Variants in CHRNG observed in about 807,000 individuals in gnomAD.
The protein encoded by CHRNG is acetylcholine receptor subunit gamma.
A neutral mutation model predicts 65.2 loss-of-function variants in CHRNG; 72 were observed. That is an observed-to-expected ratio of 1.10 (90% CI 0.91 to 1.34). CHRNG has a LOEUF of 1.34. Ranked by LOEUF, CHRNG falls within the 40% of genes most tolerant of loss-of-function variation. The pLI is 0.00. For missense variants in CHRNG, 637 were observed against 680.1 expected (o/e 0.94, Z 0.70); for synonymous variants, 284 against 290.2 (o/e 0.98, Z 0.22).
chr2:232,543,069 C>T lies in CHRNG; in HGVS notation c.792C>T (p.Phe264=), dbSNP rs1692050942. 1.2e-6 allele frequency: 2 copies of T among 1,614,060 alleles called. No individual in the cohort carries two copies. Among genetic ancestry groups the T allele is most frequent in the Non-Finnish European group, 1.7e-6 (2 of 1,180,006 alleles). ...LISSVAILIH[F]LPAKAGGQKC... ...CCTCTGTCGCCATCCTCATCCACTT[C>T]CTTCCTGCCAAGGGTACCTGGAGCC... Residue 264 remains phenylalanine, a synonymous_variant, in exon 7 of 12, where the codon TTC becomes TTT. Transcript: ENST00000651502.
rs375422793 is a variant in CHRNG, at chr2:232,544,922, G to A, written c.1380+20G>A. Reference sequence around the variant, plus strand: ...GACAATGTAAGCTGAGTCAGGGTGGGGTGGAGGTGGAGTGAGTACCTGGGC... The same window carrying A: ...GACAATGTAAGCTGAGTCAGGGTGGAGTGGAGGTGGAGTGAGTACCTGGGC... On this transcript the variant is annotated intron_variant, in intron 11 of 11. Transcript: ENST00000651502. The A allele has an allele frequency of 2.7e-5, 44 of 1,613,722 alleles. No homozygotes were observed. The highest frequency in any genetic ancestry group is 3.5e-5 in the Non-Finnish European group (41 of 1,179,914).
Position 232,544,960 on chromosome 2 carries a change from TAG to T in CHRNG, c.1380+62_1380+63del, listed in dbSNP as rs1025248196. On this transcript the variant is annotated intron_variant, in intron 11 of 11. Transcript: ENST00000651502. ...TGAGTACCTGGGCTTGGAACCGTGA[TAG>T]AGACAGGATGAGTGGGGTTGCCAAG... 9.9e-6 allele frequency: 16 copies of T among 1,608,948 alleles called. No homozygotes were observed. The African/African-American group carries it at 1.1e-4, about 11-fold the overall frequency.
At position 232,547,724 on chromosome 2, in the gene CHRNG, CG is replaced by C. The variant is rs1692157278; in HGVS notation, c.*2010del. ...AATCTGATGACAGTGGGGCCATTTC[CG>C]GTTCCCACCAGCCCCTTACTAGTTG... On this transcript the variant is annotated 3_prime_UTR_variant, in exon 12 of 12. Transcript: ENST00000651502. Among the ~76,000 whole-genome samples, 1 of 152,168 alleles carries C rather than the reference CG, an allele frequency of 6.6e-6. No individual in the cohort carries two copies. The highest frequency in any genetic ancestry group is 2.1e-4 in the South Asian group (1 of 4,828).
Position 232,543,293 on chromosome 2 carries a change from C to T in CHRNG, c.824C>T (p.Thr275Ile), listed in dbSNP as rs1052726707. The stretch of plus-strand genomic sequence containing the variant: ...TGGATAGCTGGGGGCCAGAAGTGTA[C>T]CGTCGCCATCAACGTGCTCCTGGCC... ...LPAKAGGQKCTVAINVLLAQT... is the reference protein window; with the variant it reads ...LPAKAGGQKCIVAINVLLAQT... The change falls in exon 8 of 12, where the codon ACC (threonine) becomes ATC (isoleucine). Residue 275 changes from threonine (T) to isoleucine (I), a missense_variant. Coordinates refer to ENST00000651502, the MANE Select transcript of CHRNG (RefSeq NM_005199.5). 1.9e-6 allele frequency: 3 copies of T among 1,613,964 alleles called. No homozygotes were observed. The highest frequency in any genetic ancestry group is 2.5e-6 in the Non-Finnish European group (3 of 1,179,888).
Position 232,541,666 on chromosome 2 carries a change from C to T in CHRNG, c.506+137C>T. On this transcript the variant is annotated intron_variant, in intron 5 of 11. Coordinates refer to ENST00000651502, the MANE Select transcript of CHRNG (RefSeq NM_005199.5). The surrounding 1 kb of genome is among the most constrained non-coding windows in gnomAD (Gnocchi z 4.0). ...GCCTGGCTCCATCTCCCCTGGGCCT[C>T]TGTGCCCATCTCAGGCTAAGACACC... 1 of 1,068,144 alleles carries T rather than the reference C, an allele frequency of 9.4e-7. No individual in the cohort carries two copies. The highest frequency in any genetic ancestry group is 1.4e-6 in the Non-Finnish European group (1 of 706,506). 66.2% of individuals were successfully genotyped at this position (1,068,144 alleles called of 1,614,324 possible).
chr2:232,542,263 T>C (rs1692031753), intron 5 of CHRNG, among the ~76,000 whole-genome samples, 160 bp from the exon 6 acceptor site: 1 of 152,110 alleles, frequency 6.6e-6, no homozygotes, highest in African/African-American at 2.4e-5. Context: ...GTCCTCCTGC[T>C]CTCCATATCT....
At position 232,540,270 on chromosome 2, in the gene CHRNG, G is replaced by T. The variant is rs767614087; in HGVS notation, c.196-111G>T. ...GGGTCTGGAAAACCCCCATGGTTGT[G>T]GGGGGAGTACTATCAAGAGGCTGGG... On this transcript the variant is annotated intron_variant, in intron 2 of 11. Coordinates refer to ENST00000651502, the MANE Select transcript of CHRNG (RefSeq NM_005199.5). This position sits in a 1 kb window ranked among gnomAD's most constrained non-coding sequence, Gnocchi z 4.2. 145 of 1,595,850 alleles carry T rather than the reference G, an allele frequency of 9.1e-5. No individual in the cohort carries two copies. The East Asian group carries it at 3.0e-3, about 33-fold the overall frequency.
chr2:232,545,843 CA>C lies in CHRNG; in HGVS notation c.*130del. ...AAGTGCCCTTCAGGACTGTGTGAGC[CA>C]AACAGCCCTGAGAAAAGCTGGGGAA... On this transcript the variant is annotated 3_prime_UTR_variant, in exon 12 of 12. Coordinates refer to ENST00000651502, the MANE Select transcript of CHRNG (RefSeq NM_005199.5). 10 of 1,087,036 alleles carry C rather than the reference CA, an allele frequency of 9.2e-6. No homozygotes were observed. Among genetic ancestry groups the C allele is most frequent in the Non-Finnish European group, 1.4e-5 (10 of 723,362 alleles). The allele number at this position is 1,087,036 out of a possible 1,614,324, so 67.3% of individuals were successfully genotyped here.
chr2:232,543,499 C>A, intron 8 of CHRNG, 86 bp from the exon 9 acceptor site: 2 of 1,122,010 alleles, frequency 1.8e-6, no homozygotes, highest in Non-Finnish European at 1.2e-6. Context: ...ATCCTCAATT[C>A]AGGAGGCCTG....
chr2:232,545,381 C>G (rs1692107338), intron 11 of CHRNG, among the ~76,000 whole-genome samples, 162 bp from the exon 12 acceptor site: 1 of 151,778 alleles, frequency 6.6e-6, no homozygotes, highest in Non-Finnish European at 1.5e-5. Context: ...CACCTCAGGG[C>G]CAGGGGGCCA....
Position 232,544,919 on chromosome 2 carries a change from T to C in CHRNG, c.1380+17T>C. Reference sequence around the variant, plus strand: ...TTTGACAATGTAAGCTGAGTCAGGGTGGGGTGGAGGTGGAGTGAGTACCTG... The same window carrying C: ...TTTGACAATGTAAGCTGAGTCAGGGCGGGGTGGAGGTGGAGTGAGTACCTG... On this transcript the variant is annotated intron_variant, in intron 11 of 11. Transcript: ENST00000651502. 6.2e-7 allele frequency: 1 copy of C among 1,613,096 alleles called. No individual in the cohort carries two copies. Among genetic ancestry groups the C allele is most frequent in the Non-Finnish European group, 8.5e-7 (1 of 1,179,762 alleles).
In CHRNG at chr2:232,541,266, C is replaced by CCCAG; in HGVS notation, c.351-108_351-107insCCAG. The CCCAG allele has an allele frequency of 1.4e-6, 2 of 1,384,440 alleles. No homozygotes were observed. Among genetic ancestry groups the CCCAG allele is most frequent in the Non-Finnish European group, 1.0e-6 (1 of 981,738 alleles). The allele number at this position is 1,384,440 out of a possible 1,614,324, so 85.8% of individuals were successfully genotyped here. Reference sequence around the variant, plus strand: ...TCAGGGGGTGACAGGCTGGTAGGGACTGGTGTCCCCAGGCCCCTATCCACA... The same window carrying CCCAG: ...TCAGGGGGTGACAGGCTGGTAGGGACCCAGTGGTGTCCCCAGGCCCCTATCCACA... On this transcript the variant is annotated intron_variant, in intron 4 of 11. Coordinates refer to ENST00000651502, the MANE Select transcript of CHRNG (RefSeq NM_005199.5). This position sits in a 1 kb window ranked among gnomAD's most constrained non-coding sequence, Gnocchi z 4.0.
chr2:232,543,194 C>T (rs566102476), intron 7 of CHRNG, 81 bp from the exon 8 acceptor site: 42 of 1,513,058 alleles, frequency 2.8e-5, no homozygotes, highest in Non-Finnish European at 3.7e-5. Flanking sequence ...ACAGAGGCAG[C>T]GGGCTACTTC....
Position 232,545,996 on chromosome 2 carries a change from C to T in CHRNG, c.*280C>T, listed in dbSNP as rs1480230872. ...GCCACCCCTCCACTCAGTGCACTCCCCTCACTTAGGCAAAGCATTATTCAT... is the reference window on the plus strand; with the variant it reads ...GCCACCCCTCCACTCAGTGCACTCCTCTCACTTAGGCAAAGCATTATTCAT... On this transcript the variant is annotated 3_prime_UTR_variant, in exon 12 of 12. Coordinates refer to ENST00000651502, the MANE Select transcript of CHRNG (RefSeq NM_005199.5). The T allele has an allele frequency of 1.8e-6, 1 of 559,356 alleles. No individual in the cohort carries two copies. Among genetic ancestry groups the T allele is most frequent in the South Asian group, 1.9e-5 (1 of 51,438 alleles). The allele number at this position is 559,356 out of a possible 1,614,324, so 34.6% of individuals were successfully genotyped here.
In CHRNG at chr2:232,540,314, G is replaced by A; in HGVS notation, c.196-67G>A. The A allele has an allele frequency of 6.2e-7, 1 of 1,606,944 alleles. No homozygotes were observed. The highest frequency in any genetic ancestry group is 8.5e-7 in the Non-Finnish European group (1 of 1,173,484). On this transcript the variant is annotated intron_variant, in intron 2 of 11. Transcript: ENST00000651502. The surrounding 1 kb of genome is among the most constrained non-coding windows in gnomAD (Gnocchi z 4.2). Reference sequence around the variant, plus strand: ...GGCTGGGGGATGCTTGGCCCCATTGGTGGCCTGTGGGGACTGGCACTGAAG... The same window carrying A: ...GGCTGGGGGATGCTTGGCCCCATTGATGGCCTGTGGGGACTGGCACTGAAG...
At chr2:232,543,784 T>C in intron 9 of CHRNG, 85 bp downstream of exon 9, 1 of 830,446 alleles carries the variant, frequency 1.2e-6, no homozygotes, top group Non-Finnish European at 2.0e-6. Flanking sequence ...TACTCACCTG[T>C]GGCATTCCAC....
Position 232,540,399 on chromosome 2 carries a change from C to T in CHRNG, c.214C>T (p.Leu72Phe). ...CCCCCAGAACGAGCGAGAGGAAGCC[C>T]TCACCACCAATGTCTGGATAGAGAT... ...LISLNEREEA[L>F]TTNVWIEMQW... The change falls in exon 3 of 12, where the codon CTC becomes TTC. Residue 72 changes from leucine (L) to phenylalanine (F), a missense_variant. Transcript: ENST00000651502. The surrounding 1 kb of genome is among the most constrained non-coding windows in gnomAD (Gnocchi z 4.2). The T allele has an allele frequency of 6.2e-7, 1 of 1,614,068 alleles. No individual in the cohort carries two copies. Among genetic ancestry groups the T allele is most frequent in the Non-Finnish European group, 8.5e-7 (1 of 1,179,978 alleles).
Position 232,545,555 on chromosome 2 carries a change from T to A in CHRNG, c.1393T>A (p.Trp465Arg), listed in dbSNP as rs1692114181. 1.9e-6 allele frequency: 3 copies of A among 1,613,564 alleles called. No homozygotes were observed. The highest frequency in any genetic ancestry group is 1.7e-6 in the Non-Finnish European group (2 of 1,179,900). ...QSHFDNGNEEWFLVGRVLDRV... is the reference protein window; with the variant it reads ...QSHFDNGNEERFLVGRVLDRV... ...CTCCCACCCTCAGGGGAATGAGGAG[T>A]GGTTCCTGGTGGGCCGAGTGCTGGA... The change falls in exon 12 of 12, where the codon TGG becomes AGG. Residue 465 changes from tryptophan (W) to arginine (R), a missense_variant. By Grantham distance (101) the Trp-to-Arg change is moderately radical. Coordinates refer to ENST00000651502, the MANE Select transcript of CHRNG (RefSeq NM_005199.5).
At position 232,547,644 on chromosome 2, in the gene CHRNG, C is replaced by A. The variant is rs1262689518; in HGVS notation, c.*1928C>A. ...GTTTGAAGCAAGAGCAGAGTCAGAGCTATAGAGAACTAGAGGAGTTAGGGA... is the reference window on the plus strand; with the variant it reads ...GTTTGAAGCAAGAGCAGAGTCAGAGATATAGAGAACTAGAGGAGTTAGGGA... On this transcript the variant is annotated 3_prime_UTR_variant, in exon 12 of 12. Coordinates refer to ENST00000651502, the MANE Select transcript of CHRNG (RefSeq NM_005199.5). Among the ~76,000 whole-genome samples the A allele has an allele frequency of 1.3e-5, 2 of 152,102 alleles. No individual in the cohort carries two copies. Among genetic ancestry groups the A allele is most frequent in the African/African-American group, 2.4e-5 (1 of 41,396 alleles).
Sources: gnomAD v4.1 joint callset for allele counts (sites outside exome capture counted in the v4.1 genomes callset) on GRCh38, gnomAD v4.1.1 for gene constraint, Gnocchi (gnomAD v3.1) non-coding constraint, MANE v1.5 for transcripts, NCBI Gene and HGNC (gene_info 2026-07-23, HGNC 2026-07-21) for gene names.